The following PTPRJ variants were observed in gnomAD, a reference collection of about 807,000 sequenced individuals.
PTPRJ encodes the protein protein tyrosine phosphatase receptor type J.
Under a neutral mutation model 141.3 loss-of-function variants are expected in PTPRJ, and 129 were observed. That is an observed-to-expected ratio of 0.91 (90% CI 0.79 to 1.06). The LOEUF (loss-of-function observed/expected upper bound fraction) is 1.06, where lower values mean the gene tolerates loss of function less well. Among genes scored for constraint, PTPRJ ranks in the 50% least tolerant of loss-of-function variants. The pLI, the probability that PTPRJ is intolerant of heterozygous loss-of-function variation, is 0.00. For synonymous variants in PTPRJ, 610 were observed against 640.5 expected, an observed-to-expected ratio of 0.95 and a Z score of 0.72; for missense variants, 1,601 against 1,679.7, an observed-to-expected ratio of 0.95 and a Z score of 0.82.
At chr11:47,989,715 A>G (rs543125105) in intron 1 of PTPRJ, among the ~76,000 whole-genome samples, 137 of 152,018 alleles carry the variant, frequency 9.0e-4, no homozygotes, top group African/African-American at 3.2e-3. Context: ...TGTCATTTGT[A>G]TTGCAAACAC....
chr11:48,000,497 A>G (rs990489953), intron 1 of PTPRJ, among the ~76,000 whole-genome samples: 1 of 151,994 alleles, frequency 6.6e-6, no homozygotes, highest in Middle Eastern at 3.4e-3. Flanking sequence ...AAAAGCCTAC[A>G]TGGCTTCATA....
intron 1 of PTPRJ, among the ~76,000 whole-genome samples, chr11:48,001,349 A>AGTGTGTGTGTGTGTGTGTGT (rs57503257): frequency 3.9e-4 from 52 of 134,776 alleles, no homozygotes; most frequent in African/African-American, 1.4e-3. Flanking sequence ...ACAGCCCCAA[A>AGTGTGTGTGTGTGTGTGTGT]GTGTGTGTGT....
intron 10 of PTPRJ, 147 bp from the exon 11 acceptor site, chr11:48,139,339 G>T: frequency 1.3e-6 from 1 of 749,912 alleles, no homozygotes; most frequent in Non-Finnish European, 2.2e-6. Context: ...CACACAGTTT[G>T]GTGTTGCCCA....
chr11:48,006,478 C>T (rs1035450176), intron 1 of PTPRJ, among the ~76,000 whole-genome samples: 5 of 152,078 alleles, frequency 3.3e-5, no homozygotes, highest in African/African-American at 7.2e-5. Flanking sequence ...AAGCTCTGAA[C>T]CCTGCAAAAG....
intron 21 of PTPRJ, among the ~76,000 whole-genome samples, chr11:48,157,108 C>G (rs544657890): frequency 6.6e-6 from 1 of 152,240 alleles, no homozygotes; most frequent in South Asian, 2.1e-4. Flanking sequence ...CCTGCCTCAG[C>G]CTCCCAAGTA....
At chr11:48,042,416 A>G (rs1241346540) in intron 1 of PTPRJ, among the ~76,000 whole-genome samples, 1 of 152,192 alleles carries the variant, frequency 6.6e-6, no homozygotes, top group African/African-American at 2.4e-5. Context: ...TTTTGGGGCA[A>G]TCAAGGTAAA....
chr11:47,989,273 T>C (rs11039483), intron 1 of PTPRJ, among the ~76,000 whole-genome samples: 4 of 145,920 alleles, frequency 2.7e-5, no homozygotes, highest in African/African-American at 7.5e-5. Flanking sequence ...TTTTGTTTTC[T>C]TTTTTTTTTT....
At chr11:47,989,235 G>T (rs1326177765) in intron 1 of PTPRJ, among the ~76,000 whole-genome samples, 1 of 150,270 alleles carries the variant, frequency 6.7e-6, no homozygotes, top group African/African-American at 2.4e-5. Context: ...TGAGTTTTTT[G>T]GTCATTTGCC....
Position 48,137,280 on chromosome 11 carries a change from A to C in PTPRJ, c.2151A>C (p.Thr717=), listed in dbSNP as rs747385887. ...SLEPGRKSFC[T]DPASMASFDC... ...AACCTGGCCGGAAGTCATTCTGTAC[A>C]GGTGAGTGTAGCCCCAACTGCCTCT... Residue 717 remains threonine, a splice_region_variant and synonymous_variant, in exon 10 of 25, where the codon ACA becomes ACC. Coordinates refer to ENST00000418331, the MANE Select transcript of PTPRJ (RefSeq NM_002843.4). 5.6e-6 allele frequency: 9 copies of C among 1,612,808 alleles called. No homozygotes were observed. In the Admixed American group the frequency reaches 1.5e-4, roughly 27 times the overall value.
In PTPRJ at chr11:48,167,601, CTTTTT is replaced by C; in HGVS notation, c.*248_*252del. ...CCTGATGACCAATGGGATGAGGTCA[CTTTTT>C]TTTTTTTTCCCCCTTGAGGATTGTG... is the stretch of plus-strand genomic sequence containing the variant. On this transcript the variant is annotated 3_prime_UTR_variant, in exon 25 of 25. Coordinates refer to ENST00000418331, the MANE Select transcript of PTPRJ (RefSeq NM_002843.4). 3.4e-6 allele frequency: 1 copy of C among 297,532 alleles called. No homozygotes were observed. The highest frequency in any genetic ancestry group is 6.0e-6 in the Non-Finnish European group (1 of 166,840). The allele number at this position is 297,532 out of a possible 1,614,324, so 18.4% of individuals were successfully genotyped here. A position where few individuals can be genotyped will look rare whatever the true frequency, so the allele number is the denominator to read the frequency against.
At chr11:48,028,080 A>ATAAAGGAAACATCTTAGC (rs1230047559) in intron 1 of PTPRJ, among the ~76,000 whole-genome samples, 1 of 152,204 alleles carries the variant, frequency 6.6e-6, no homozygotes, top group Admixed American at 6.5e-5. Flanking sequence ...CATATTAGAG[A>ATAAAGGAAACATCTTAGC]TAAAGGAAAC....
At position 48,137,100 on chromosome 11, in the gene PTPRJ, C is replaced by T; in HGVS notation, c.1971C>T (p.Tyr657=). Residue 657 remains tyrosine, a synonymous_variant, in exon 10 of 25, where the codon TAC becomes TAT. Coordinates refer to ENST00000418331, the MANE Select transcript of PTPRJ (RefSeq NM_002843.4). The part of the protein sequence containing the change: ...NFDDASPTYS[Y]CLLIEKAGNS... Reference sequence around the variant, plus strand: ...ATGACGCCTCTCCCACGTACTCCTACTGCCTTCTTATTGAGAAGGCTGGAA... The same window carrying T: ...ATGACGCCTCTCCCACGTACTCCTATTGCCTTCTTATTGAGAAGGCTGGAA... 1 of 1,608,692 alleles carries T rather than the reference C, an allele frequency of 6.2e-7. No homozygotes were observed. The highest frequency in any genetic ancestry group is 8.5e-7 in the Non-Finnish European group (1 of 1,175,006).
chr11:47,993,835 T>G (rs1411820779), intron 1 of PTPRJ, among the ~76,000 whole-genome samples: 2 of 151,764 alleles, frequency 1.3e-5, no homozygotes, highest in African/African-American at 4.8e-5. Context: ...CAGTTCATTT[T>G]TTTTTTTTTT....
At chr11:48,057,953 C>T (rs1854804441) in intron 1 of PTPRJ, among the ~76,000 whole-genome samples, 1 of 151,862 alleles carries the variant, frequency 6.6e-6, no homozygotes, top group Non-Finnish European at 1.5e-5. Flanking sequence ...GCTCTGTCAC[C>T]CAGGCTGGAG....
intron 19 of PTPRJ, 144 bp from the exon 20 acceptor site, chr11:48,155,657 T>A: frequency 1.5e-6 from 1 of 650,450 alleles, no homozygotes; most frequent in Non-Finnish European, 2.7e-6. Context: ...AATGAGGTGG[T>A]CTATATGAAA....
In PTPRJ at chr11:48,167,664, T is replaced by C. The variant is rs1191821072; in HGVS notation, c.*302T>C. ...AGGAAAAGGGAGCTATGATTTTTTT[T>C]TCCAAAACAATTTCTTTTTTAAAAA... is the stretch of plus-strand genomic sequence containing the variant. On this transcript the variant is annotated 3_prime_UTR_variant, in exon 25 of 25. Transcript: ENST00000418331. 2 of 254,222 alleles carry C rather than the reference T, an allele frequency of 7.9e-6. No individual in the cohort carries two copies. The highest frequency in any genetic ancestry group is 1.5e-5 in the Non-Finnish European group (2 of 135,628). The allele number at this position is 254,222 out of a possible 1,614,324, so 15.7% of individuals were successfully genotyped here.
At chr11:47,998,271 C>T (rs1236768292) in intron 1 of PTPRJ, among the ~76,000 whole-genome samples, 1 of 152,044 alleles carries the variant, frequency 6.6e-6, no homozygotes, top group African/African-American at 2.4e-5. Flanking sequence ...AGGGTGACTA[C>T]AGTTTACAGT....
intron 1 of PTPRJ, among the ~76,000 whole-genome samples, chr11:48,073,505 C>T (rs919028455): frequency 6.6e-6 from 1 of 152,188 alleles, no homozygotes; most frequent in African/African-American, 2.4e-5. Flanking sequence ...GCACAGACTA[C>T]TGCTATTACT....
At chr11:48,081,261 A>G (rs1855550995) in intron 1 of PTPRJ, among the ~76,000 whole-genome samples, 2 of 152,204 alleles carry the variant, frequency 1.3e-5, no homozygotes, top group South Asian at 4.1e-4. Flanking sequence ...TGCCGGCGAC[A>G]GGTCCGGATG....
Sources: gnomAD v4.1 joint callset for allele counts (sites outside exome capture counted in the v4.1 genomes callset) on GRCh38, gnomAD v4.1.1 for gene constraint, MANE v1.5 for transcripts, NCBI Gene and HGNC (gene_info 2026-07-23, HGNC 2026-07-21) for gene names.